The following PWWP3A variants were observed in gnomAD, a reference collection of about 807,000 sequenced individuals.
The protein encoded by PWWP3A is PWWP domain containing 3A, DNA repair factor.
In PWWP3A, 53 loss-of-function variants were observed where a neutral mutation model predicts 79.0. That is an observed-to-expected ratio of 0.67 (90% confidence interval 0.54 to 0.84). The LOEUF (loss-of-function observed/expected upper bound fraction) is 0.84, where lower values mean the gene tolerates loss of function less well. Ranked by LOEUF, PWWP3A falls within the 40% of genes least tolerant of loss-of-function variation. The probability of loss-of-function intolerance (pLI) is 0.00; values close to 1 mark genes in which losing one functional copy is unlikely to be tolerated. For synonymous variants in PWWP3A, 443 were observed against 394.4 expected (o/e 1.12, Z -1.46); for missense variants, 973 against 948.0 (o/e 1.03, Z -0.35).
rs1600137266 is a variant in PWWP3A at position 1,376,654 on chromosome 19, G to A, written c.*78G>A. 1 of 1,401,952 alleles carries A rather than the reference G, an allele frequency of 7.1e-7. No individual in the cohort carries two copies. Among genetic ancestry groups the A allele is most frequent in the East Asian group, 2.3e-5 (1 of 43,046 alleles). The allele number at this position is 1,401,952 out of a possible 1,614,324, so 86.8% of individuals were successfully genotyped here. ...TGTGCATGAGCGTGTCTGAAGATGG[G>A]GGGCTCAGGGGGCACGTTTGCGTTT... On this transcript the variant is annotated 3_prime_UTR_variant, in exon 14 of 14. Coordinates refer to ENST00000591337, the MANE Select transcript of PWWP3A (RefSeq NM_001369789.1).
chr19:1,375,566 A>AATAATATAATTTTATAGT (rs1568965688), intron 13 of PWWP3A, among the ~76,000 whole-genome samples: 2 of 81,324 alleles, frequency 2.5e-5, no homozygotes, highest in Non-Finnish European at 4.4e-5. Flanking sequence ...TTATATATAA[A>AATAATATAATTTTATAGT]ATATATTATA....
intron 4 of PWWP3A, chr19:1,358,829 T>C: frequency 3.8e-6 from 2 of 522,848 alleles, no homozygotes; most frequent in South Asian, 3.1e-5. Context: ...GCTGTGGTAC[T>C]GTCGCTGCCT....
chr19:1,367,503 G>T (rs1467656010), intron 9 of PWWP3A, among the ~76,000 whole-genome samples: 1 of 152,232 alleles, frequency 6.6e-6, no homozygotes, highest in African/African-American at 2.4e-5. Context: ...GGGCCACCAG[G>T]CAAGGCTACA....
At chr19:1,361,483 A>G (rs1053559043) in intron 5 of PWWP3A, among the ~76,000 whole-genome samples, 1 of 152,202 alleles carries the variant, frequency 6.6e-6, no homozygotes, top group African/African-American at 2.4e-5. Flanking sequence ...GTGCAGATAT[A>G]TTTTTGTGTG....
intron 13 of PWWP3A, among the ~76,000 whole-genome samples, chr19:1,375,550 T>TATATATAAA (rs1568965456): frequency 3.3e-3 from 8 of 2,390 alleles, no homozygotes; most frequent in Middle Eastern, 0.17. Context: ...ATATATAAAA[T>TATATATAAA]ATATATTATA....
At chr19:1,366,890 C>A (rs1235174080) in intron 8 of PWWP3A, among the ~76,000 whole-genome samples, 1 of 152,226 alleles carries the variant, frequency 6.6e-6, no homozygotes, top group Non-Finnish European at 1.5e-5. Flanking sequence ...TTCTGTGCTG[C>A]CCCCGAGGGG....
intron 6 of PWWP3A, among the ~76,000 whole-genome samples, chr19:1,363,245 A>G (rs886618968): frequency 1.3e-5 from 2 of 152,054 alleles, no homozygotes; most frequent in Non-Finnish European, 2.9e-5. Flanking sequence ...GTGCTTTTCC[A>G]TCATTGAAAG....
At chr19:1,367,555 C>T (rs902955764) in intron 9 of PWWP3A, among the ~76,000 whole-genome samples, 1 of 152,268 alleles carries the variant, frequency 6.6e-6, no homozygotes, top group African/African-American at 2.4e-5. Context: ...CCCTGGCCGA[C>T]TGTCTCAGTC....
At position 1,360,826 on chromosome 19, in the gene PWWP3A, G is replaced by C. The variant is rs748371898; in HGVS notation, c.905G>C (p.Arg302Thr). The change falls in exon 5 of 14, where the codon AGG (arginine) becomes ACG (threonine). Residue 302 changes from arginine to threonine, a missense_variant. By Grantham distance (71) the Arg-to-Thr change is moderately conservative. Coordinates refer to ENST00000591337, the MANE Select transcript of PWWP3A (RefSeq NM_001369789.1). This position sits in a 1 kb window ranked among gnomAD's most constrained non-coding sequence, Gnocchi z 4.4. ...CCTGGAGAATGCCCTGCGAAAAAGA[G>C]GCCGCGCCTGGATGGCAGCCAAAGG... ...SEPGECPAKK[R>T]PRLDGSQRPP... 25 of 1,568,566 alleles carry C rather than the reference G, an allele frequency of 1.6e-5. No individual in the cohort carries two copies. The highest frequency in any genetic ancestry group is 4.3e-6 in the Non-Finnish European group (5 of 1,158,362).
At chr19:1,358,561 T>C (rs1481759992) in intron 4 of PWWP3A, 97 bp downstream of exon 4, 50 of 1,602,096 alleles carry the variant, frequency 3.1e-5, no homozygotes, top group Non-Finnish European at 4.2e-5. Flanking sequence ...AAATTCACCC[T>C]GTTCACCATG....
chr19:1,364,268 C>G (rs1483641689), intron 6 of PWWP3A: 1 of 658,120 alleles, frequency 1.5e-6, no homozygotes, highest in Non-Finnish European at 2.8e-6. Flanking sequence ...GCTGGGAACC[C>G]AGTGCAGCAC....
At position 1,360,143 on chromosome 19, in the gene PWWP3A, G is replaced by A. The variant is rs772660421; in HGVS notation, c.222G>A (p.Gln74=). ...IEAIASSLAS[Q]NEVPAAPLEE... ...TATGTTCGGTCCTTGCAGCCTCACA[G>A]AATGAGGTTCCTGCGGCACCCCTGG... Residue 74 remains glutamine, a synonymous_variant, in exon 5 of 14, where the codon CAG becomes CAA. Coordinates refer to ENST00000591337, the MANE Select transcript of PWWP3A (RefSeq NM_001369789.1). This position sits in a 1 kb window ranked among gnomAD's most constrained non-coding sequence, Gnocchi z 4.4. 11 of 1,558,168 alleles carry A rather than the reference G, an allele frequency of 7.1e-6. No homozygotes were observed. The East Asian group carries it at 2.3e-4, about 32-fold the overall frequency.
At chr19:1,376,295 G>GTTT (rs754438911) in intron 13 of PWWP3A, among the ~76,000 whole-genome samples, 2,700 of 66,688 alleles carry the variant, frequency 0.04, 467 homozygotes, top group Non-Finnish European at 0.056. Context: ...CCGGCTGTTT[G>GTTT]TTTTTTTTTT....
Position 1,375,521 on chromosome 19 carries a change from CAT to C in PWWP3A, c.2076-994_2076-993del, listed in dbSNP as rs1241637046. 0.012 allele frequency among the ~76,000 whole-genome samples: 151 copies of C among 13,124 alleles called. No homozygotes were observed. In the East Asian group the frequency reaches 0.12, roughly 10 times the overall value. The allele number at this position is 13,124 out of a possible 152,430, so 8.6% of individuals were successfully genotyped here. On this transcript the variant is annotated intron_variant, in intron 13 of 13. Transcript: ENST00000591337. ...AAATTTTATATATAATATATAAAAT[CAT>C]ATAATTTATATATTTTATATATAAA...
At chr19:1,366,457 G>T in intron 8 of PWWP3A, 76 bp downstream of exon 8, 1 of 1,358,004 alleles carries the variant, frequency 7.4e-7, no homozygotes, top group East Asian at 2.3e-5. Flanking sequence ...GAGCGGGCGT[G>T]GGGATGGAGG....
At chr19:1,361,095 C>G in intron 5 of PWWP3A, 63 bp downstream of exon 5, 5 of 1,349,644 alleles carry the variant, frequency 3.7e-6, no homozygotes, top group Non-Finnish European at 4.8e-6. Flanking sequence ...CGCAGCCAGA[C>G]TGGGAGCCAG....
At position 1,378,229 on chromosome 19, in the gene PWWP3A, C is replaced by T. The variant is rs1051405176; in HGVS notation, c.*1653C>T. 6.6e-6 allele frequency: 1 copy of T among 152,248 alleles called. No individual in the cohort carries two copies. Among genetic ancestry groups the T allele is most frequent in the Non-Finnish European group, 1.5e-5 (1 of 68,040 alleles). The allele number at this position is 152,248 out of a possible 1,614,324, so 9.4% of individuals were successfully genotyped here. On this transcript the variant is annotated 3_prime_UTR_variant, in exon 14 of 14. Transcript: ENST00000591337. ...GCGGGGCTCAGCAGCGTTGCATGTA[C>T]GGGCCTCGTACTGCCTCATGGAAAA...
intron 11 of PWWP3A, among the ~76,000 whole-genome samples, chr19:1,370,214 T>C (rs2082221460): frequency 6.6e-6 from 1 of 152,108 alleles, no homozygotes; most frequent in South Asian, 2.1e-4. Flanking sequence ...CCAGCCTGGG[T>C]GACAGAGCAA....
At position 1,360,067 on chromosome 19, in the gene PWWP3A, A is replaced by T; in HGVS notation, c.215-69A>T. The T allele has an allele frequency of 6.9e-7, 1 of 1,457,442 alleles. No homozygotes were observed. The highest frequency in any genetic ancestry group is 1.8e-4 in the Middle Eastern group (1 of 5,494). The allele number at this position is 1,457,442 out of a possible 1,614,324, so 90.3% of individuals were successfully genotyped here. ...TCAGAATGAGACAAGCGAGCTTCTAAAGCGATGCCGTGACCGCAGTGCCTG... is the reference window on the plus strand; with the variant it reads ...TCAGAATGAGACAAGCGAGCTTCTATAGCGATGCCGTGACCGCAGTGCCTG... On this transcript the variant is annotated intron_variant, in intron 4 of 13. Coordinates refer to ENST00000591337, the MANE Select transcript of PWWP3A (RefSeq NM_001369789.1). This position sits in a 1 kb window ranked among gnomAD's most constrained non-coding sequence, Gnocchi z 4.4.
Sources: allele counts gnomAD v4.1 joint callset (sites outside exome capture counted in the v4.1 genomes callset), GRCh38; gene constraint gnomAD v4.1.1; non-coding constraint Gnocchi (gnomAD v3.1); transcripts MANE v1.5; gene names NCBI Gene and HGNC (gene_info 2026-07-23, HGNC 2026-07-21).